Variants in ABCB11 observed in about 807,000 individuals in gnomAD.
ABCB11 encodes bile salt export pump.
ABCB11 carries 95 observed loss-of-function variants against 148.0 expected under a neutral mutation model. The ratio of observed to expected loss-of-function variants is 0.64; its 90% CI spans 0.54 to 0.76. The LOEUF (loss-of-function observed/expected upper bound fraction) is 0.76, where lower values mean the gene tolerates loss of function less well. ABCB11 is among the 30% of genes least tolerant of loss of function. The pLI, the probability that ABCB11 is intolerant of heterozygous loss-of-function variation, is 0.00. For missense variants in ABCB11, 1,523 were observed against 1,617.8 expected (o/e 0.94, Z 1.01); for synonymous variants, 591 against 555.4 (o/e 1.06, Z -0.90).
At chr2:168,920,605 A>G (rs995303794), downstream of ABCB11, among the ~76,000 whole-genome samples, 22 of 151,938 alleles carry the variant, frequency 1.4e-4, no homozygotes, top group African/African-American at 5.3e-4. Flanking sequence ...TCTGGTCACA[A>G]CACACATTAT....
chr2:168,951,330 G>A (rs1692558728), intron 19 of ABCB11, among the ~76,000 whole-genome samples: 1 of 151,408 alleles, frequency 6.6e-6, no homozygotes, highest in Non-Finnish European at 1.5e-5. Context: ...TTGAATCAGT[G>A]GATTGGTTTG....
At chr2:168,978,023 A>AAAT (rs1292042448) in intron 11 of ABCB11, among the ~76,000 whole-genome samples, 2 of 152,108 alleles carry the variant, frequency 1.3e-5, no homozygotes, top group Non-Finnish European at 2.9e-5. Context: ...TAAAGGTAAG[A>AAAT]AATAATTTTT....
chr2:168,984,792 A>G (rs73972731), intron 10 of ABCB11, among the ~76,000 whole-genome samples: 3,434 of 152,234 alleles, frequency 0.023, 125 homozygotes, highest in African/African-American at 0.077. Flanking sequence ...CCTTTACTAT[A>G]AAATATATAA....
At chr2:169,014,570 C>T (rs550566372) in intron 3 of ABCB11, among the ~76,000 whole-genome samples, 1 of 152,218 alleles carries the variant, frequency 6.6e-6, no homozygotes, top group Admixed American at 6.5e-5. Flanking sequence ...GGTTCACTAG[C>T]GATTCACAGA....
chr2:168,974,023 A>G (rs1281063825), intron 12 of ABCB11, among the ~76,000 whole-genome samples, 183 bp from the exon 13 acceptor site: 1 of 152,008 alleles, frequency 6.6e-6, no homozygotes, highest in Non-Finnish European at 1.5e-5. Context: ...GGCAAGGATG[A>G]GGTTTTGGCA....
chr2:168,925,616 G>A (rs1691274049), intron 26 of ABCB11, among the ~76,000 whole-genome samples: 1 of 152,220 alleles, frequency 6.6e-6, no homozygotes, highest in Non-Finnish European at 1.5e-5. Context: ...GAATCCAGAT[G>A]AAAGTGAATC....
intron 5 of ABCB11, among the ~76,000 whole-genome samples, chr2:169,006,502 C>T (rs1345575943): frequency 6.6e-6 from 1 of 152,018 alleles, no homozygotes; most frequent in African/African-American, 2.4e-5. Context: ...TGTGCTCTCA[C>T]CACTTCTACT....
Position 168,936,154 on chromosome 2 carries a change from G to A in ABCB11, c.2814+76C>T, listed in dbSNP as rs974765341. On this transcript the variant is annotated intron_variant, in intron 22 of 27. Coordinates refer to ENST00000650372, the MANE Select transcript of ABCB11 (RefSeq NM_003742.4). ...GCTGACAGCTTCCTTCAGTCTCTTC[G>A]TACTACTCGTTTTTAACAGTTTGTC... 5.0e-5 allele frequency: 70 copies of A among 1,396,008 alleles called. 1 individual carries two copies. Among genetic ancestry groups the A allele is most frequent in the South Asian group, 4.8e-4 (35 of 73,514 alleles). 86.5% of individuals were successfully genotyped at this position (1,396,008 alleles called of 1,614,324 possible). A position where few individuals can be genotyped will look rare whatever the true frequency, so the allele number is the denominator to read the frequency against.
intron 10 of ABCB11, among the ~76,000 whole-genome samples, chr2:168,981,884 C>G (rs1694147551): frequency 6.6e-6 from 1 of 152,082 alleles, no homozygotes; most frequent in Admixed American, 6.6e-5. Flanking sequence ...TTTATAAAAA[C>G]AGGCAGTGAG....
chr2:168,927,823 T>C (rs1691383868), intron 25 of ABCB11, among the ~76,000 whole-genome samples: 1 of 152,154 alleles, frequency 6.6e-6, no homozygotes, highest in Non-Finnish European at 1.5e-5. Flanking sequence ...ACTGAGATAA[T>C]AAAACCAAGT....
At position 168,992,333 on chromosome 2, in the gene ABCB11, T is replaced by A. The variant is rs558019637; in HGVS notation, c.783+1378A>T. Among the ~76,000 whole-genome samples the A allele has an allele frequency of 2.6e-4, 40 of 152,154 alleles. 1 individual carries two copies. The highest frequency in any genetic ancestry group is 2.6e-3 in the Admixed American group (40 of 15,262). On this transcript the variant is annotated intron_variant, in intron 8 of 27. Transcript: ENST00000650372. ...CTGGGCTATATGTTAACCTCCAACA[T>A]GTTGAAATGTGGCCTATGATCCACG...
intron 19 of ABCB11, among the ~76,000 whole-genome samples, chr2:168,949,301 G>A (rs1692460444): frequency 6.6e-6 from 1 of 151,560 alleles, no homozygotes; most frequent in Non-Finnish European, 1.5e-5. Flanking sequence ...CCCATCACCT[G>A]AATAGTGAAC....
intron 13 of ABCB11, 50 bp downstream of exon 13, chr2:168,973,665 T>C: frequency 6.3e-7 from 1 of 1,599,426 alleles, no homozygotes; most frequent in South Asian, 1.1e-5. Context: ...TATACTGCCA[T>C]TTGCACTTTA....
intron 17 of ABCB11, among the ~76,000 whole-genome samples, chr2:168,964,589 C>A (rs1269682368): frequency 1.3e-5 from 2 of 149,608 alleles, no homozygotes; most frequent in Non-Finnish European, 2.9e-5. Context: ...AGCTGTCCTA[C>A]CAGTTCATCA....
chr2:169,000,113 C>T (rs1429352228), intron 5 of ABCB11, among the ~76,000 whole-genome samples: 2 of 151,984 alleles, frequency 1.3e-5, no homozygotes, highest in Admixed American at 6.6e-5. Context: ...CATCTTTTGT[C>T]CTTACTCATG....
intron 18 of ABCB11, among the ~76,000 whole-genome samples, chr2:168,959,999 CT>C (rs2105938743): frequency 6.9e-6 from 1 of 145,908 alleles, no homozygotes; most frequent in South Asian, 2.2e-4. Flanking sequence ...CTCATGTATT[CT>C]GCCAGCATCA....
chr2:168,984,195 G>A (rs1694234328), intron 10 of ABCB11, among the ~76,000 whole-genome samples: 2 of 152,004 alleles, frequency 1.3e-5, no homozygotes, highest in African/African-American at 2.4e-5. Context: ...CTGGACCCCC[G>A]CCACACCTGG....
At chr2:169,017,979 T>A in intron 2 of ABCB11, 71 bp downstream of exon 2, 1 of 1,333,188 alleles carries the variant, frequency 7.5e-7, no homozygotes, top group Non-Finnish European at 1.1e-6. Context: ...CCTTGAAACT[T>A]GACCAGCTTG....
At position 168,970,206 on chromosome 2, in the gene ABCB11, T is replaced by C; in HGVS notation, c.1648A>G (p.Thr550Ala). 6.2e-7 allele frequency: 1 copy of C among 1,611,450 alleles called. No homozygotes were observed. The highest frequency in any genetic ancestry group is 8.5e-7 in the Non-Finnish European group (1 of 1,178,496). ...FIMDLPQQFD[T>A]LVGEGGGQMS... is the part of the protein sequence containing the mutation. ...TGGCCTCCTCCTTCTCCAACAAGGGTGTCAAATTGCTAGATGGAAGGTGAC... is the reference window on the plus strand; with the variant it reads ...TGGCCTCCTCCTTCTCCAACAAGGGCGTCAAATTGCTAGATGGAAGGTGAC... Residue 550 changes from threonine to alanine, a missense_variant, in exon 15 of 28, where the codon ACC becomes GCC. Transcript: ENST00000650372.
Sources: gnomAD v4.1 joint callset for allele counts (sites outside exome capture counted in the v4.1 genomes callset) on GRCh38, gnomAD v4.1.1 for gene constraint, MANE v1.5 for transcripts, NCBI Gene and HGNC (gene_info 2026-07-23, HGNC 2026-07-21) for gene names.